Variants in BCL2L13 observed in about 807,000 individuals in gnomAD.
The protein encoded by BCL2L13 is bcl-2-like protein 13.
A neutral mutation model predicts 25.8 loss-of-function variants in BCL2L13; 13 were observed. That is an observed-to-expected ratio of 0.50 (90% CI 0.33 to 0.80). The LOEUF (loss-of-function observed/expected upper bound fraction) is 0.80. Ranked by LOEUF, BCL2L13 falls within the 30% of genes least tolerant of loss-of-function variation. The probability of loss-of-function intolerance (pLI) is 0.02; values close to 1 mark genes in which losing one functional copy is unlikely to be tolerated. For missense variants in BCL2L13, 504 were observed against 574.9 expected (o/e 0.88, Z 1.26); for synonymous variants, 244 against 230.3 (o/e 1.06, Z -0.54).
intron 6 of BCL2L13, among the ~76,000 whole-genome samples, chr22:17,706,368 A>G (rs1344704213): frequency 6.6e-6 from 1 of 151,442 alleles, no homozygotes; most frequent in Non-Finnish European, 1.5e-5. Context: ...TACCCGGCGA[A>G]TGATGAACTG....
intron 6 of BCL2L13, among the ~76,000 whole-genome samples, chr22:17,713,261 G>A (rs1302112485): frequency 6.6e-6 from 1 of 152,052 alleles, no homozygotes. Flanking sequence ...ACTATGAATT[G>A]ATTAGATGCT....
intron 2 of BCL2L13, among the ~76,000 whole-genome samples, chr22:17,676,361 G>T (rs976285584): frequency 3.3e-5 from 5 of 152,154 alleles, no homozygotes. Flanking sequence ...TACTTGGGAG[G>T]CTGAGGTGGG....
chr22:17,679,858 T>C (rs1268156518), intron 2 of BCL2L13, among the ~76,000 whole-genome samples: 15 of 152,092 alleles, frequency 9.9e-5, no homozygotes, highest in Admixed American at 9.8e-4. Context: ...CCACAGGTTC[T>C]TAGGCTCCTG....
chr22:17,711,323 G>A (rs368402877), intron 6 of BCL2L13, among the ~76,000 whole-genome samples: 2 of 69,006 alleles, frequency 2.9e-5, no homozygotes, highest in African/African-American at 1.5e-4. Context: ...TTTGAGACAG[G>A]GTTTCACTCT....
intron 2 of BCL2L13, among the ~76,000 whole-genome samples, chr22:17,661,969 C>T (rs1356073486): frequency 2.1e-5 from 3 of 143,290 alleles, no homozygotes; most frequent in Non-Finnish European, 4.5e-5. Flanking sequence ...CCAGCCTGGG[C>T]AACGAGAGTG....
intron 6 of BCL2L13, among the ~76,000 whole-genome samples, chr22:17,719,139 GCAAGGCT>G (rs1297572478): frequency 1.0e-5 from 1 of 99,760 alleles, no homozygotes; most frequent in Non-Finnish European, 1.9e-5. Flanking sequence ...GGGAGACAAA[GCAAGGCT>G]CTGTCTCAAA....
At chr22:17,691,758 G>A (rs1309502757) in intron 4 of BCL2L13, among the ~76,000 whole-genome samples, 2 of 152,168 alleles carry the variant, frequency 1.3e-5, no homozygotes, top group East Asian at 3.8e-4. Flanking sequence ...ACTTTATGGT[G>A]TAGTATAAGC....
At chr22:17,634,680 C>A (rs2058077003), upstream of BCL2L13, among the ~76,000 whole-genome samples, 1 of 152,124 alleles carries the variant, frequency 6.6e-6, no homozygotes, top group Non-Finnish European at 1.5e-5. Context: ...TGGTGGCTGG[C>A]ACCTGTAATC....
intron 2 of BCL2L13, among the ~76,000 whole-genome samples, chr22:17,657,637 G>A (rs1253985591): frequency 1.3e-5 from 2 of 151,564 alleles, no homozygotes; most frequent in South Asian, 2.1e-4. Context: ...TCAGCCTTCC[G>A]AGTAGCTGGG....
intron 6 of BCL2L13, among the ~76,000 whole-genome samples, chr22:17,723,952 C>CA (rs2061225662): frequency 6.7e-6 from 1 of 149,728 alleles, no homozygotes; most frequent in African/African-American, 2.5e-5. Flanking sequence ...CAAAAAAAAA[C>CA]AAAAAACAAA....
rs538949400 is a variant in BCL2L13, at chr22:17,647,991, T to G, written c.-50-7671T>G. ...AAAAAATACAAAAAATTATCCGGGCTTGGTGGCACACCCCTGTAGTCCGAG... is the reference window on the plus strand; with the variant it reads ...AAAAAATACAAAAAATTATCCGGGCGTGGTGGCACACCCCTGTAGTCCGAG... On this transcript the variant is annotated intron_variant, in intron 1 of 6. Transcript: ENST00000317582. Among the ~76,000 whole-genome samples the G allele has an allele frequency of 2.3e-3, 349 of 151,996 alleles. 1 individual carries two copies. Among genetic ancestry groups the G allele is most frequent in the Non-Finnish European group, 3.0e-3 (204 of 67,988 alleles).
chr22:17,657,410 T>C (rs995570321), intron 2 of BCL2L13, among the ~76,000 whole-genome samples: 5 of 152,236 alleles, frequency 3.3e-5, no homozygotes, highest in Non-Finnish European at 4.4e-5. Flanking sequence ...CACATTATGC[T>C]GTTTATAGAA....
rs1205858630 is a variant in BCL2L13, at chr22:17,685,770, T to C, written c.229+2449T>C. On this transcript the variant is annotated intron_variant, in intron 3 of 6. Transcript: ENST00000317582. The stretch of plus-strand genomic sequence containing the variant: ...TAATTTTTTCTTTTTCTTTTTTTTT[T>C]TTTTTTTTTTTTTTTTTTTGAGACA... Among the ~76,000 whole-genome samples, 16 of 102,052 alleles carry C rather than the reference T, an allele frequency of 1.6e-4. No homozygotes were observed. The East Asian group carries it at 2.8e-3, about 18-fold the overall frequency. 67.0% of individuals were successfully genotyped at this position (102,052 alleles called of 152,430 possible).
chr22:17,714,462 A>G (rs2060856708), intron 6 of BCL2L13, among the ~76,000 whole-genome samples: 1 of 152,150 alleles, frequency 6.6e-6, no homozygotes, highest in African/African-American at 2.4e-5. Context: ...AAAAAAAAAA[A>G]TGGTAGTTGT....
chr22:17,727,320 A>T lies in BCL2L13; in HGVS notation c.1244A>T (p.Asn415Ile), dbSNP rs1184847400. 2.5e-6 allele frequency: 4 copies of T among 1,614,070 alleles called. No homozygotes were observed. Among genetic ancestry groups the T allele is most frequent in the Non-Finnish European group, 3.4e-6 (4 of 1,180,036 alleles). Residue 415 changes from asparagine to isoleucine, a missense_variant, in exon 7 of 7, where the codon AAC becomes ATC. By Grantham distance (149) the Asn-to-Ile change is moderately radical. Transcript: ENST00000317582. ...TETLLSEKEI[N>I]AREESLVEEL... Reference sequence around the variant, plus strand: ...ACGCTGCTGAGTGAGAAGGAGATAAACGCAAGGGAAGAGAGCCTTGTGGAA... The same window carrying T: ...ACGCTGCTGAGTGAGAAGGAGATAATCGCAAGGGAAGAGAGCCTTGTGGAA...
rs925777221 is a variant in BCL2L13 at position 17,655,828 on chromosome 22, C to G, written c.117C>G (p.Pro39=). 4 of 1,611,832 alleles carry G rather than the reference C, an allele frequency of 2.5e-6. No individual in the cohort carries two copies. The South Asian group carries it at 3.3e-5, about 13-fold the overall frequency. The change falls in exon 2 of 7, where the codon CCC becomes CCG. Residue 39 remains proline (P), a synonymous_variant. Transcript: ENST00000317582. ...TGCAAGAGCAACATCTTTCCTCACCCCAAGGTATTATCTTTGGCTTATGGT... is the reference window on the plus strand; with the variant it reads ...TGCAAGAGCAACATCTTTCCTCACCGCAAGGTATTATCTTTGGCTTATGGT... ...EKLQEQHLSS[P]QGVQLDIASQ... is the part of the protein sequence containing the mutation.
chr22:17,651,979 C>A (rs2058704903), intron 1 of BCL2L13, among the ~76,000 whole-genome samples: 1 of 151,930 alleles, frequency 6.6e-6, no homozygotes. Flanking sequence ...TGTGAGCCAC[C>A]ACCCCTGACT....
chr22:17,630,213 G>A (rs1386609639), intron 1 of BCL2L13, among the ~76,000 whole-genome samples: 6 of 124,894 alleles, frequency 4.8e-5, no homozygotes, highest in Non-Finnish European at 8.1e-5. Flanking sequence ...GTGAGACTCC[G>A]TCTCAAAAAA....
chr22:17,662,206 T>C (rs950860489), intron 2 of BCL2L13, among the ~76,000 whole-genome samples: 4 of 152,002 alleles, frequency 2.6e-5, no homozygotes, highest in Non-Finnish European at 5.9e-5. Context: ...GGGCTGCGCG[T>C]GGTGGCTCAC....
Sources: gnomAD v4.1 joint callset for allele counts (sites outside exome capture counted in the v4.1 genomes callset) on GRCh38, gnomAD v4.1.1 for gene constraint, MANE v1.5 for transcripts, NCBI Gene and HGNC (gene_info 2026-07-23, HGNC 2026-07-21) for gene names.